The following PTPRD variants were observed in gnomAD, a reference collection of about 807,000 sequenced individuals.
PTPRD encodes receptor-type tyrosine-protein phosphatase delta.
In PTPRD, 34 loss-of-function variants were observed where a neutral mutation model predicts 214.5. The ratio of observed to expected loss-of-function variants is 0.16; its 90% CI spans 0.12 to 0.21. PTPRD has a LOEUF of 0.21. PTPRD is among the 10% of genes least tolerant of loss of function. The pLI, the probability that PTPRD is intolerant of heterozygous loss-of-function variation, is 1.00. For synonymous variants in PTPRD, 1,128 were observed against 845.7 expected, an observed-to-expected ratio of 1.33 and a Z score of -5.79; for missense variants, 2,545 against 2,398.7, an observed-to-expected ratio of 1.06 and a Z score of -1.27.
At chr9:10,042,717 C>T (rs1272071929) in intron 3 of PTPRD, among the ~76,000 whole-genome samples, 1 of 151,862 alleles carries the variant, frequency 6.6e-6, no homozygotes, top group Non-Finnish European at 1.5e-5. Context: ...CTGAAGGCTA[C>T]ATTGGTAGGT....
At chr9:10,313,315 T>G (rs1013980691) in intron 3 of PTPRD, among the ~76,000 whole-genome samples, 1 of 150,516 alleles carries the variant, frequency 6.6e-6, no homozygotes, top group East Asian at 2.0e-4. Context: ...AATTATATAT[T>G]TGAAGAAAAG....
chr9:8,653,156 AG>A lies in PTPRD; in HGVS notation c.65-16313del, dbSNP rs1231244328. Among the ~76,000 whole-genome samples the A allele has an allele frequency of 2.0e-5, 3 of 152,248 alleles. No homozygotes were observed. In the East Asian group the frequency reaches 5.8e-4, roughly 29 times the overall value. On this transcript the variant is annotated intron_variant, in intron 12 of 45. Transcript: ENST00000381196. Reference sequence around the variant, plus strand: ...ATGCCATGAAAGTAGATCTCCTTTCAGGGCTGTTGTTTCAGAGGGAAAAAGA... The same window carrying A: ...ATGCCATGAAAGTAGATCTCCTTTCAGGCTGTTGTTTCAGAGGGAAAAAGA...
At chr9:10,556,271 G>T (rs953264822) in intron 2 of PTPRD, among the ~76,000 whole-genome samples, 4 of 151,664 alleles carry the variant, frequency 2.6e-5, no homozygotes, top group Non-Finnish European at 4.4e-5. Flanking sequence ...ATGTTAGGTA[G>T]AAATGTAAAA....
chr9:10,514,286 T>A lies in PTPRD; in HGVS notation c.-600+98112A>T, dbSNP rs111661787. On this transcript the variant is annotated intron_variant, in intron 2 of 45. Transcript: ENST00000381196. The stretch of plus-strand genomic sequence containing the variant: ...AATTTTTCTTTTATGTATTTTTTTT[T>A]ATAAACTCTTCTTTGGGGAGCAAAA... 3.6e-3 allele frequency among the ~76,000 whole-genome samples: 543 copies of A among 151,956 alleles called. 2 individuals are homozygous for A. Among genetic ancestry groups the A allele is most frequent in the African/African-American group, 0.012 (511 of 41,538 alleles).
chr9:8,761,780 G>A (rs898674824), intron 11 of PTPRD, among the ~76,000 whole-genome samples: 2 of 152,168 alleles, frequency 1.3e-5, no homozygotes, highest in African/African-American at 4.8e-5. Flanking sequence ...TGAATCCTCA[G>A]AAGAAAATCA....
rs543419589 is a variant in PTPRD at position 10,328,343 on chromosome 9, C to T, written c.-545+12620G>A. On this transcript the variant is annotated intron_variant, in intron 3 of 45. Transcript: ENST00000381196. Reference sequence around the variant, plus strand: ...GAATTACACCCGGTACTTGAAAATGCATTTGCACAGGAGACTGTAAAACTG... The same window carrying T: ...GAATTACACCCGGTACTTGAAAATGTATTTGCACAGGAGACTGTAAAACTG... 2.0e-5 allele frequency among the ~76,000 whole-genome samples: 3 copies of T among 151,752 alleles called. No individual in the cohort carries two copies. The South Asian group carries it at 6.2e-4, about 31-fold the overall frequency.
chr9:10,049,431 G>GA (rs1361839605), intron 3 of PTPRD, among the ~76,000 whole-genome samples: 8 of 121,186 alleles, frequency 6.6e-5, no homozygotes, highest in Admixed American at 2.9e-4. Flanking sequence ...AAGAAAGAAA[G>GA]AAAGAAAAGA....
At chr9:9,923,773 C>T (rs572258071) in intron 5 of PTPRD, among the ~76,000 whole-genome samples, 1 of 151,774 alleles carries the variant, frequency 6.6e-6, no homozygotes, top group Non-Finnish European at 1.5e-5. Flanking sequence ...ATGTATACTT[C>T]TCATGGGCCG....
At chr9:9,263,934 G>T (rs1937645763) in intron 9 of PTPRD, among the ~76,000 whole-genome samples, 1 of 151,576 alleles carries the variant, frequency 6.6e-6, no homozygotes, top group East Asian at 2.0e-4. Flanking sequence ...AGAAAATAAA[G>T]AATAGTTTCC....
At chr9:10,449,760 G>C (rs1452914182) in intron 2 of PTPRD, among the ~76,000 whole-genome samples, 2 of 151,316 alleles carry the variant, frequency 1.3e-5, no homozygotes, top group African/African-American at 4.9e-5. Context: ...AGCTCATTGA[G>C]AACGGGCCAT....
intron 14 of PTPRD, among the ~76,000 whole-genome samples, chr9:8,581,411 C>CA (rs553662312): frequency 7.6e-4 from 115 of 152,048 alleles, no homozygotes; most frequent in African/African-American, 2.7e-3. Flanking sequence ...AGTCTGATCA[C>CA]AAAAAAGAGG....
At chr9:8,931,174 A>C (rs1372674361) in intron 11 of PTPRD, among the ~76,000 whole-genome samples, 1 of 151,864 alleles carries the variant, frequency 6.6e-6, no homozygotes. Flanking sequence ...TCAGCTTTCT[A>C]CATATGCCTA....
chr9:9,271,254 A>AT (rs1594908373), intron 9 of PTPRD, among the ~76,000 whole-genome samples: 1 of 150,996 alleles, frequency 6.6e-6, no homozygotes, highest in African/African-American at 2.4e-5. Flanking sequence ...CATTGAGAGT[A>AT]TTTTTTTCCT....
chr9:8,518,839 C>T (rs1396962816), intron 20 of PTPRD, among the ~76,000 whole-genome samples: 1 of 151,294 alleles, frequency 6.6e-6, no homozygotes, highest in Non-Finnish European at 1.5e-5. Context: ...CACTAAGATT[C>T]TTAGAATGTA....
At chr9:9,120,070 G>A (rs944870788) in intron 10 of PTPRD, among the ~76,000 whole-genome samples, 1 of 152,112 alleles carries the variant, frequency 6.6e-6, no homozygotes, top group Admixed American at 6.6e-5. Context: ...CTTGAAAGAT[G>A]CCAACAGGTA....
intron 2 of PTPRD, among the ~76,000 whole-genome samples, chr9:10,394,606 A>G (rs750392248): frequency 6.6e-6 from 1 of 151,668 alleles, no homozygotes; most frequent in African/African-American, 2.4e-5. Flanking sequence ...CTATCCAAAC[A>G]CTCTTTAAGT....
At chr9:10,511,996 G>GTATATATATATGTA (rs2048359670) in intron 2 of PTPRD, among the ~76,000 whole-genome samples, 1 of 81,886 alleles carries the variant, frequency 1.2e-5, no homozygotes, top group Non-Finnish European at 2.3e-5. Context: ...ATACGTGTGT[G>GTATATATATATGTA]TATATATATA....
intron 9 of PTPRD, among the ~76,000 whole-genome samples, chr9:9,302,117 A>G (rs1955537894): frequency 6.6e-6 from 1 of 152,004 alleles, no homozygotes; most frequent in Non-Finnish European, 1.5e-5. Flanking sequence ...TATGGTTACT[A>G]AGAGCAATGC....
chr9:9,889,788 AGTGTGTGTGTGTGT>A (rs138586181), intron 5 of PTPRD, among the ~76,000 whole-genome samples: 17 of 146,314 alleles, frequency 1.2e-4, no homozygotes, highest in African/African-American at 4.2e-4. Context: ...GTTCCTGCTG[AGTGTGTGTGTGTGT>A]GTGTGTGTGT....
Sources: allele counts gnomAD v4.1 joint callset (sites outside exome capture counted in the v4.1 genomes callset), GRCh38; gene constraint gnomAD v4.1.1; transcripts MANE v1.5; gene names NCBI Gene and HGNC (gene_info 2026-07-23, HGNC 2026-07-21).